The following GFRA1 variants were observed in gnomAD, a reference collection of about 807,000 sequenced individuals.
The protein encoded by GFRA1 is GDNF family receptor alpha 1, also known as GDNF family receptor alpha-1.
GFRA1 carries 16 observed loss-of-function variants against 51.6 expected under a neutral mutation model. The ratio of observed to expected loss-of-function variants is 0.31; its 90% CI spans 0.21 to 0.47. GFRA1 has a LOEUF of 0.47. GFRA1 is among the 20% of genes least tolerant of loss of function. The pLI is 1.00. For missense variants in GFRA1, 530 were observed against 594.3 expected, an observed-to-expected ratio of 0.89 and a Z score of 1.13; for synonymous variants, 270 against 241.3, an observed-to-expected ratio of 1.12 and a Z score of -1.10.
In GFRA1 at chr10:116,152,664, C is replaced by T. The variant is rs141727604; in HGVS notation, c.434-27107G>A. On this transcript the variant is annotated intron_variant, in intron 5 of 10. Coordinates refer to ENST00000355422, the MANE Select transcript of GFRA1 (RefSeq NM_005264.8). ...ATCACATTTCAACATGCGATTCAGA[C>T]GAACAAACATCCAAACCATATCACA... 3.8e-3 allele frequency among the ~76,000 whole-genome samples: 572 copies of T among 152,294 alleles called. 4 individuals carry two copies. Among genetic ancestry groups the T allele is most frequent in the African/African-American group, 0.013 (548 of 41,562 alleles).
chr10:116,085,055 C>G (rs1302932046), intron 9 of GFRA1, among the ~76,000 whole-genome samples: 1 of 152,146 alleles, frequency 6.6e-6, no homozygotes, highest in East Asian at 1.9e-4. Context: ...ATTTTATCAC[C>G]TCAGGGGGTT....
intron 5 of GFRA1, among the ~76,000 whole-genome samples, chr10:116,152,551 C>T (rs1453240509): frequency 6.6e-6 from 1 of 152,170 alleles, no homozygotes; most frequent in Non-Finnish European, 1.5e-5. Context: ...ACTCACTCAT[C>T]ACCAATGCGA....
At chr10:116,223,626 A>T (rs1966079380) in intron 4 of GFRA1, among the ~76,000 whole-genome samples, 1 of 152,058 alleles carries the variant, frequency 6.6e-6, no homozygotes, top group Admixed American at 6.6e-5. Context: ...CCTTGCAAAA[A>T]CCTTGGCGGC....
In GFRA1 at chr10:116,079,625, G is replaced by A. The variant is rs571621969; in HGVS notation, c.1197+10116C>T. Among the ~76,000 whole-genome samples, 6 of 152,226 alleles carry A rather than the reference G, an allele frequency of 3.9e-5. 1 individual carries two copies. In the South Asian group the frequency reaches 1.2e-3, roughly 32 times the overall value. On this transcript the variant is annotated intron_variant, in intron 9 of 10. Transcript: ENST00000355422. ...CCATAGTTGAGGAAAGGTGCTACTG[G>A]TATCCGGACGGTAGAGGCCAGGGAC...
At chr10:116,114,167 A>T (rs1957321253) in intron 6 of GFRA1, among the ~76,000 whole-genome samples, 1 of 152,122 alleles carries the variant, frequency 6.6e-6, no homozygotes, top group Non-Finnish European at 1.5e-5. Flanking sequence ...AGCACCTCTG[A>T]GAGCCCCTTA....
chr10:116,067,846 C>T (rs1018034089), intron 9 of GFRA1, among the ~76,000 whole-genome samples: 1 of 152,160 alleles, frequency 6.6e-6, no homozygotes, highest in African/African-American at 2.4e-5. Flanking sequence ...TTGTCTTCTA[C>T]CTGGAAATGG....
rs768120985 is a variant in GFRA1 at position 116,222,217 on chromosome 10, G to A, written c.419-10572C>T. ...TTTATTTATTTATTTATTTATTTTG[G>A]AGATAAAGTCTTGCCCTGTCGCCCA... is the stretch of plus-strand genomic sequence containing the variant. On this transcript the variant is annotated intron_variant, in intron 4 of 10. Transcript: ENST00000355422. Among the ~76,000 whole-genome samples, 259 of 152,084 alleles carry A rather than the reference G, an allele frequency of 1.7e-3. 2 individuals carry two copies. The highest frequency in any genetic ancestry group is 1.2e-3 in the Non-Finnish European group (81 of 67,986).
chr10:116,179,038 G>A (rs755307732), intron 5 of GFRA1, among the ~76,000 whole-genome samples: 1 of 152,166 alleles, frequency 6.6e-6, no homozygotes, highest in African/African-American at 2.4e-5. Context: ...CACGGTGTAT[G>A]TTCATGCAGA....
At chr10:116,270,690 G>T in intron 3 of GFRA1, 132 bp downstream of exon 3, 1 of 723,606 alleles carries the variant, frequency 1.4e-6, no homozygotes, top group Non-Finnish European at 2.3e-6. Flanking sequence ...TTGTCCCTGG[G>T]GGCCAAGGAA....
At chr10:116,191,344 A>G (rs1014166548) in intron 5 of GFRA1, among the ~76,000 whole-genome samples, 2 of 152,236 alleles carry the variant, frequency 1.3e-5, no homozygotes, top group African/African-American at 4.8e-5. Flanking sequence ...TAGGCCGTAT[A>G]CATTTTCACC....
intron 6 of GFRA1, among the ~76,000 whole-genome samples, chr10:116,119,624 T>C (rs1444960607): frequency 2.0e-5 from 3 of 152,242 alleles, no homozygotes; most frequent in Non-Finnish European, 4.4e-5. Flanking sequence ...GCTTGCTGCA[T>C]GTCAAGGCAA....
chr10:116,268,497 T>C (rs762766435), intron 4 of GFRA1, among the ~76,000 whole-genome samples: 12 of 152,206 alleles, frequency 7.9e-5, no homozygotes, highest in South Asian at 4.1e-4. Flanking sequence ...CAATGGATGT[T>C]TGGTGAATGG....
intron 5 of GFRA1, among the ~76,000 whole-genome samples, chr10:116,126,902 T>C (rs1589809504): frequency 6.6e-6 from 1 of 152,260 alleles, no homozygotes; most frequent in South Asian, 2.1e-4. Flanking sequence ...CACGGTATAT[T>C]ATTCAGCCTT....
At chr10:116,168,706 C>T (rs2270181) in intron 5 of GFRA1, among the ~76,000 whole-genome samples, 75,799 of 152,042 alleles carry the variant, frequency 0.5, 20,127 homozygotes, top group Middle Eastern at 0.62. Context: ...CCCTTCCCAC[C>T]GTCTGTCCAG....
chr10:116,169,592 T>C lies in GFRA1; in HGVS notation c.433+42039A>G, dbSNP rs1017908173. Among the ~76,000 whole-genome samples, 7 of 152,298 alleles carry C rather than the reference T, an allele frequency of 4.6e-5. No individual in the cohort carries two copies. The East Asian group carries it at 1.4e-3, about 29-fold the overall frequency. ...CAAGAGGAGAAGAGGCAGCTGGATGTCAGAGACTACGGTCACAGAATTTGG... is the reference window on the plus strand; with the variant it reads ...CAAGAGGAGAAGAGGCAGCTGGATGCCAGAGACTACGGTCACAGAATTTGG... On this transcript the variant is annotated intron_variant, in intron 5 of 10. Transcript: ENST00000355422.
chr10:116,118,253 G>A (rs976780141), intron 6 of GFRA1, among the ~76,000 whole-genome samples: 6 of 152,082 alleles, frequency 3.9e-5, no homozygotes, highest in Non-Finnish European at 5.9e-5. Flanking sequence ...GCTTCTCATG[G>A]GTCAACTGCA....
chr10:116,135,146 G>T (rs187988789), intron 5 of GFRA1, among the ~76,000 whole-genome samples: 1 of 152,284 alleles, frequency 6.6e-6, no homozygotes, highest in East Asian at 1.9e-4. Context: ...GTGCCTCATT[G>T]TACATCAGAT....
Position 116,160,074 on chromosome 10 carries a change from T to G in GFRA1, c.434-34517A>C, listed in dbSNP as rs111328902. Among the ~76,000 whole-genome samples, 189 of 152,360 alleles carry G rather than the reference T, an allele frequency of 1.2e-3. 1 individual carries two copies. The highest frequency in any genetic ancestry group is 4.3e-3 in the African/African-American group (178 of 41,586). On this transcript the variant is annotated intron_variant, in intron 5 of 10. Coordinates refer to ENST00000355422, the MANE Select transcript of GFRA1 (RefSeq NM_005264.8). ...AAACTGCCTAATCCCTGCTATCAGCTTCATTCGAATCCATTGTGAGAACTG... is the reference window on the plus strand; with the variant it reads ...AAACTGCCTAATCCCTGCTATCAGCGTCATTCGAATCCATTGTGAGAACTG...
intron 5 of GFRA1, among the ~76,000 whole-genome samples, chr10:116,149,017 C>T (rs953473357): frequency 2.9e-5 from 4 of 138,138 alleles, no homozygotes; most frequent in Non-Finnish European, 6.2e-5. Flanking sequence ...ACTGGCTGGA[C>T]ACTGTCACCT....
Sources: allele counts gnomAD v4.1 joint callset (sites outside exome capture counted in the v4.1 genomes callset), GRCh38; gene constraint gnomAD v4.1.1; transcripts MANE v1.5; gene names NCBI Gene and HGNC (gene_info 2026-07-23, HGNC 2026-07-21).